The following PIK3CD variants were observed in gnomAD, a reference collection of about 807,000 sequenced individuals.
PIK3CD encodes the protein phosphatidylinositol-4,5-bisphosphate 3-kinase catalytic subunit delta.
Under a neutral mutation model 122.9 loss-of-function variants are expected in PIK3CD, and 20 were observed. The observed-to-expected ratio is 0.16, with a 90% CI of 0.11 to 0.24. PIK3CD has a LOEUF of 0.24. Among genes scored for constraint, PIK3CD ranks in the 10% least tolerant of loss-of-function variants. The pLI is 1.00. For synonymous variants in PIK3CD, 596 were observed against 593.4 expected, an observed-to-expected ratio of 1.00 and a Z score of -0.06; for missense variants, 787 against 1,406.3, an observed-to-expected ratio of 0.56 and a Z score of 7.04.
At position 9,720,635 on chromosome 1, in the gene PIK3CD, G is replaced by A. The variant is rs767714303; in HGVS notation, c.1495G>A (p.Glu499Lys). The part of the protein sequence containing the change: ...EKILELGRHS[E>K]CVHVTEEEQL... ...GATCTTGGAGCTGGGGCGACACAGC[G>A]AGTGTGTGCATGTCACCGAGGAGGA... Residue 499 changes from glutamate to lysine, a missense_variant, in exon 12 of 24, where the codon GAG becomes AAG. This residue lies in a region of PIK3CD where 592 missense variants were observed against 920.6 expected (regional missense o/e 0.64). Transcript: ENST00000377346. This position sits in a 1 kb window ranked among gnomAD's most constrained non-coding sequence, Gnocchi z 9.0. 21 of 1,501,552 alleles carry A rather than the reference G, an allele frequency of 1.4e-5. No homozygotes were observed. Among genetic ancestry groups the A allele is most frequent in the Admixed American group, 2.0e-5 (1 of 49,554 alleles). The allele number at this position is 1,501,552 out of a possible 1,614,324, so 93.0% of individuals were successfully genotyped here. A position where few individuals can be genotyped will look rare whatever the true frequency, so the allele number is the denominator to read the frequency against.
chr1:9,725,416 G>A lies in PIK3CD; in HGVS notation c.2997+480G>A, dbSNP rs528014814. ...TAAAAATACAAAATTAGCTGGGCAT[G>A]GTGGTGCATTCCTGTAATCCCAGCT... On this transcript the variant is annotated intron_variant, in intron 23 of 23. Transcript: ENST00000377346. Among the ~76,000 whole-genome samples the A allele has an allele frequency of 2.6e-5, 4 of 152,148 alleles. No individual in the cohort carries two copies. The South Asian group carries it at 8.3e-4, about 32-fold the overall frequency.
At chr1:9,651,678 G>GC (rs1644673585), upstream of PIK3CD, 1 of 151,898 alleles carries the variant, frequency 6.6e-6, no homozygotes, top group African/African-American at 2.4e-5. Flanking sequence ...GAGTGTGCGG[G>GC]TTGGCGGCAG....
At chr1:9,711,071 C>T (rs1453962682) in intron 3 of PIK3CD, among the ~76,000 whole-genome samples, 1 of 152,140 alleles carries the variant, frequency 6.6e-6, no homozygotes, top group African/African-American at 2.4e-5. Flanking sequence ...AGGCGTGAGC[C>T]ACTGCATCCA....
chr1:9,644,137 C>T, the PIK3CD span, among the ~76,000 whole-genome samples: 1 of 152,130 alleles, frequency 6.6e-6, no homozygotes, highest in African/African-American at 2.4e-5. Flanking sequence ...ATGTTTGCAG[C>T]ATTTGTGAGA....
intron 1 of PIK3CD, among the ~76,000 whole-genome samples, chr1:9,668,166 G>A (rs181499308): frequency 5.5e-4 from 83 of 152,050 alleles, no homozygotes; most frequent in African/African-American, 1.9e-3. Context: ...CCAACTCCCC[G>A]GGAGTTGGAT....
Position 9,716,991 on chromosome 1 carries a change from C to G in PIK3CD, c.813C>G (p.Thr271=). 2 of 1,613,856 alleles carry G rather than the reference C, an allele frequency of 1.2e-6. No individual in the cohort carries two copies. The highest frequency in any genetic ancestry group is 1.7e-6 in the Non-Finnish European group (2 of 1,180,004). Reference sequence around the variant, plus strand: ...GCAGCTGCCTGCACAGTGGGTTGACCCCTCACCTGACCATGGTCCATTCCT... The same window carrying G: ...GCAGCTGCCTGCACAGTGGGTTGACGCCTCACCTGACCATGGTCCATTCCT... ...YICSCLHSGL[T]PHLTMVHSSS... Residue 271 remains threonine (T), a synonymous_variant, in exon 7 of 24, where the codon ACC becomes ACG. Transcript: ENST00000377346.
Position 9,727,758 on chromosome 1 carries a change from T to C in PIK3CD, c.*712T>C, listed in dbSNP as rs1228548534. 3.9e-5 allele frequency: 8 copies of C among 206,788 alleles called. No individual in the cohort carries two copies. Among genetic ancestry groups the C allele is most frequent in the Non-Finnish European group, 5.9e-5 (6 of 101,468 alleles). 12.8% of individuals were successfully genotyped at this position (206,788 alleles called of 1,614,324 possible). On this transcript the variant is annotated 3_prime_UTR_variant, in exon 24 of 24. Transcript: ENST00000377346. ...TCATGTAGCTCACCCCGGTCACGCA[T>C]GAAGGCAAAAGCAGGTCAGAAGCGA...
At chr1:9,726,145 T>G (rs1649532330) in intron 23 of PIK3CD, among the ~76,000 whole-genome samples, 1 of 150,484 alleles carries the variant, frequency 6.6e-6, no homozygotes, top group Non-Finnish European at 1.5e-5. Flanking sequence ...CACGAGAGAC[T>G]GAGGCTGCAG....
intron 2 of PIK3CD, among the ~76,000 whole-genome samples, chr1:9,697,211 T>G (rs147524455): frequency 0.011 from 1,699 of 149,958 alleles, 15 homozygotes; most frequent in Non-Finnish European, 0.016. Context: ...GTCTCTATTT[T>G]CATAAAAGAT....
intron 1 of PIK3CD, among the ~76,000 whole-genome samples, chr1:9,657,861 G>C (rs1644903792): frequency 6.6e-6 from 1 of 152,092 alleles, no homozygotes; most frequent in Non-Finnish European, 1.5e-5. Flanking sequence ...GGTGGCACTG[G>C]GAGGGGTTTG....
In PIK3CD at chr1:9,666,161, C is replaced by T. The variant is rs1304627034; in HGVS notation, c.-138+14359C>T. Among the ~76,000 whole-genome samples the T allele has an allele frequency of 4.0e-5, 6 of 149,374 alleles. No homozygotes were observed. The Admixed American group carries it at 4.1e-4, about 10-fold the overall frequency. On this transcript the variant is annotated intron_variant, in intron 1 of 23. Transcript: ENST00000377346. ...CAGGCTGGTCTCGAACTCCTGACCT[C>T]AGTTGATCCACCCACCTCAGCCTCC...
chr1:9,711,800 T>C (rs1171482826), intron 3 of PIK3CD, among the ~76,000 whole-genome samples: 1 of 152,234 alleles, frequency 6.6e-6, no homozygotes, highest in African/African-American at 2.4e-5. Flanking sequence ...CAGGCTAGAA[T>C]GTGCCTTTCA....
chr1:9,628,508 G>C, the PIK3CD span, among the ~76,000 whole-genome samples: 2 of 152,196 alleles, frequency 1.3e-5, no homozygotes, highest in Non-Finnish European at 2.9e-5. Context: ...ACCGGCCTCC[G>C]CTGTGGTCTA....
At chr1:9,646,934 G>T (rs1231976986), upstream of PIK3CD, among the ~76,000 whole-genome samples, 1 of 142,740 alleles carries the variant, frequency 7.0e-6, no homozygotes. Flanking sequence ...CAGCCTGGGA[G>T]ACTCCATCTC....
In PIK3CD at chr1:9,727,437, C is replaced by T. The variant is rs996340301; in HGVS notation, c.*391C>T. The T allele has an allele frequency of 2.5e-5, 10 of 406,572 alleles. No homozygotes were observed. Among genetic ancestry groups the T allele is most frequent in the African/African-American group, 6.1e-5 (3 of 49,574 alleles). The allele number at this position is 406,572 out of a possible 1,614,324, so 25.2% of individuals were successfully genotyped here. A position where few individuals can be genotyped will look rare whatever the true frequency, so the allele number is the denominator to read the frequency against. ...TGGCGGTCACCTGGTGCCTACTGTC[C>T]GACAGGATGCCTTGATCCTCGTGCG... On this transcript the variant is annotated 3_prime_UTR_variant, in exon 24 of 24. Coordinates refer to ENST00000377346, the MANE Select transcript of PIK3CD (RefSeq NM_005026.5).
chr1:9,653,049 C>G (rs1015517499), intron 1 of PIK3CD: 8 of 152,378 alleles, frequency 5.3e-5, no homozygotes, highest in African/African-American at 1.9e-4. Context: ...CCTGAGAAGT[C>G]CTACCTCTGA....
rs28730678 is a variant in PIK3CD, at chr1:9,724,229, C to A, written c.2719-47C>A. ...CTTCCTGTCTCCCCTGGATTCTCTC[C>A]TGTCTGACACCTTCTCAATCCTCCC... is the stretch of plus-strand genomic sequence containing the variant. On this transcript the variant is annotated intron_variant, in intron 21 of 23. Transcript: ENST00000377346. This position sits in a 1 kb window ranked among gnomAD's most constrained non-coding sequence, Gnocchi z 7.3. The A allele has an allele frequency of 8.6e-4, 1,391 of 1,613,498 alleles. 13 individuals carry two copies. The African/African-American group carries it at 0.017, about 19-fold the overall frequency.
At chr1:9,642,564 A>C in the PIK3CD span, among the ~76,000 whole-genome samples, 1 of 150,974 alleles carries the variant, frequency 6.6e-6, no homozygotes, top group African/African-American at 2.4e-5. Flanking sequence ...AAAAATACAA[A>C]AAATTAGCCG....
Position 9,722,878 on chromosome 1 carries a change from C to T in PIK3CD, c.2427-247C>T, listed in dbSNP as rs777734866. 2.0e-5 allele frequency among the ~76,000 whole-genome samples: 3 copies of T among 152,158 alleles called. No homozygotes were observed. The highest frequency in any genetic ancestry group is 1.3e-4 in the Admixed American group (2 of 15,276). On this transcript the variant is annotated intron_variant, in intron 19 of 23. Transcript: ENST00000377346. The surrounding 1 kb of genome is among the most constrained non-coding windows in gnomAD (Gnocchi z 7.6). ...CCCAGCCCATCTTGGGAAGCAGTGG[C>T]GTCTTCTCCCAAGGCCTCTGTCTGG...
Sources: allele counts gnomAD v4.1 joint callset (sites outside exome capture counted in the v4.1 genomes callset), GRCh38; gene constraint gnomAD v4.1.1; regional missense constraint gnomAD v4.1.1; non-coding constraint Gnocchi (gnomAD v3.1); transcripts MANE v1.5; gene names NCBI Gene and HGNC (gene_info 2026-07-23, HGNC 2026-07-21).